KMT2C: variants seen among roughly 807,000 people sequenced by gnomAD.
KMT2C encodes the protein lysine methyltransferase 2C.
Under a neutral mutation model 507.9 loss-of-function variants are expected in KMT2C, and 88 were observed. The ratio of observed to expected loss-of-function variants is 0.17; its 90% CI spans 0.15 to 0.21. KMT2C has a LOEUF of 0.21. Among genes scored for constraint, KMT2C ranks in the 10% least tolerant of loss-of-function variants. The pLI is 1.00. For missense variants in KMT2C, 4,954 were observed against 5,957.8 expected (o/e 0.83, Z 5.55); for synonymous variants, 2,049 against 2,080.8 (o/e 0.98, Z 0.42).
intron 2 of KMT2C, among the ~76,000 whole-genome samples, chr7:152,356,726 T>TA (rs918625070): frequency 2.0e-5 from 3 of 149,122 alleles, no homozygotes; most frequent in Middle Eastern, 3.4e-3. Context: ...CCATCTCTAC[T>TA]AAAAAATACA....
At chr7:152,410,527 G>C (rs75795527) in intron 1 of KMT2C, among the ~76,000 whole-genome samples, 1 of 140,766 alleles carries the variant, frequency 7.1e-6, no homozygotes. Context: ...GCAGTGAGCC[G>C]AGACAGCGCC....
chr7:152,193,650 A>G (rs897175224), intron 31 of KMT2C, among the ~76,000 whole-genome samples: 4 of 152,200 alleles, frequency 2.6e-5, no homozygotes, highest in Non-Finnish European at 5.9e-5. Flanking sequence ...GGGCAGATCA[A>G]TGAGTACAGG....
At chr7:152,318,626 CA>C (rs67446037) in intron 3 of KMT2C, among the ~76,000 whole-genome samples, 3,839 of 54,424 alleles carry the variant, frequency 0.071, 28 homozygotes, top group South Asian at 0.09. Context: ...GACTCCATCT[CA>C]AAAAAAAAAA....
In KMT2C at chr7:152,199,428, G is replaced by A. The variant is rs759226598; in HGVS notation, c.4124C>T (p.Thr1375Ile). ...TAAACTTATCTTGCTTTGTCTACTT[G>A]TATCTAGAAGATCTTTTCCAAAGAA... Reference protein sequence around the residue: ...EAFFGKDLLDTSRQSKISLDN... With the variant: ...EAFFGKDLLDISRQSKISLDN... Residue 1375 changes from threonine (T) to isoleucine (I), a missense_variant, in exon 27 of 59, where the codon ACA becomes ATA. This residue lies in a region of KMT2C where 140 missense variants were observed against 118.4 expected (regional missense o/e 1.18). Coordinates refer to ENST00000262189, the MANE Select transcript of KMT2C (RefSeq NM_170606.3). 3.3e-5 allele frequency: 51 copies of A among 1,566,380 alleles called. 1 individual carries two copies. The South Asian group carries it at 6.2e-4, about 19-fold the overall frequency.
In KMT2C at chr7:152,144,581, G is replaced by T; in HGVS notation, c.14343+132C>A. 1 of 866,608 alleles carries T rather than the reference G, an allele frequency of 1.2e-6. No homozygotes were observed. The highest frequency in any genetic ancestry group is 1.8e-6 in the Non-Finnish European group (1 of 552,520). 53.7% of individuals were successfully genotyped at this position (866,608 alleles called of 1,614,324 possible). ...CTAGTGTTACCAAGGGACAGGATTTGATACGATTTTGAAAACACGTTTCTG... is the reference window on the plus strand; with the variant it reads ...CTAGTGTTACCAAGGGACAGGATTTTATACGATTTTGAAAACACGTTTCTG... On this transcript the variant is annotated intron_variant, in intron 55 of 58. Transcript: ENST00000262189. The surrounding 1 kb of genome is among the most constrained non-coding windows in gnomAD (Gnocchi z 4.4).
chr7:152,294,155 C>T (rs1034155795), intron 6 of KMT2C, among the ~76,000 whole-genome samples: 1 of 152,008 alleles, frequency 6.6e-6, no homozygotes, highest in Non-Finnish European at 1.5e-5. Flanking sequence ...CAGGTGTGAG[C>T]CACTATGCCC....
intron 16 of KMT2C, among the ~76,000 whole-genome samples, chr7:152,234,875 C>A (rs1273003026): frequency 6.6e-6 from 1 of 151,818 alleles, no homozygotes; most frequent in African/African-American, 2.4e-5. Context: ...AGAATGATAA[C>A]CTGTCTCAGA....
At chr7:152,185,671 A>G (rs1466924433) in intron 33 of KMT2C, 40 bp from the exon 34 acceptor site, 1 of 1,383,330 alleles carries the variant, frequency 7.2e-7, no homozygotes, top group African/African-American at 1.4e-5. Flanking sequence ...TCTCAGAGCC[A>G]TGCTAATGAT....
chr7:152,292,382 A>T (rs928241647), intron 6 of KMT2C, among the ~76,000 whole-genome samples: 1 of 152,318 alleles, frequency 6.6e-6, no homozygotes, highest in African/African-American at 2.4e-5. Flanking sequence ...TGTGATTCGT[A>T]GCATGCAGAG....
At chr7:152,308,381 TA>T (rs1194959560) in intron 6 of KMT2C, among the ~76,000 whole-genome samples, 5 of 151,920 alleles carry the variant, frequency 3.3e-5, no homozygotes, top group Non-Finnish European at 7.4e-5. Flanking sequence ...ATATACTTGT[TA>T]AAAACCAAAG....
chr7:152,315,831 T>C (rs1199002629), intron 3 of KMT2C, among the ~76,000 whole-genome samples: 6 of 152,128 alleles, frequency 3.9e-5, no homozygotes, highest in African/African-American at 1.4e-4. Context: ...GCACCTCGCT[T>C]GTATCCGGGA....
chr7:152,190,478 G>GT (rs2093759187), intron 31 of KMT2C, among the ~76,000 whole-genome samples: 1 of 152,106 alleles, frequency 6.6e-6, no homozygotes, highest in East Asian at 1.9e-4. Context: ...ACTGAAATAG[G>GT]TTATTATGTT....
At chr7:152,381,013 A>G (rs1321064457) in intron 1 of KMT2C, among the ~76,000 whole-genome samples, 7 of 152,296 alleles carry the variant, frequency 4.6e-5, no homozygotes, top group African/African-American at 1.4e-4. Flanking sequence ...TATACTGGGA[A>G]AAAATAGCCT....
In KMT2C at chr7:152,149,142, G is replaced by T; in HGVS notation, c.12785C>A (p.Pro4262His). The T allele has an allele frequency of 6.9e-7, 1 of 1,455,064 alleles. No individual in the cohort carries two copies. The highest frequency in any genetic ancestry group is 2.4e-5 in the East Asian group (1 of 41,420). 90.1% of individuals were successfully genotyped at this position (1,455,064 alleles called of 1,614,324 possible). A position where few individuals can be genotyped will look rare whatever the true frequency, so the allele number is the denominator to read the frequency against. Residue 4262 changes from proline to histidine, a missense_variant, in exon 52 of 59, where the codon CCT becomes CAT. Pro to His is a moderately conservative substitution (Grantham distance 77). Coordinates refer to ENST00000262189, the MANE Select transcript of KMT2C (RefSeq NM_170606.3). The stretch of plus-strand genomic sequence containing the variant: ...TCTCATAGGTGATTGTGGCAATGAA[G>T]GAATGGATTCCTGGGCAACATAAAG... ...AKNSENKESI[P>H]SLPQSPMRET... is the part of the protein sequence containing the mutation.
intron 26 of KMT2C, among the ~76,000 whole-genome samples, chr7:152,201,016 A>C (rs193221041): frequency 6.6e-6 from 1 of 152,298 alleles, no homozygotes; most frequent in East Asian, 1.9e-4. Flanking sequence ...CATTAGAAAA[A>C]ATGATGAACA....
rs111979601 is a variant in KMT2C at position 152,428,638 on chromosome 7, GA to G, written c.161+6987del. ...AAGAGTAAAACTCCATCTCAAAAAA[GA>G]AAAAAAAAAATCATAAAAATCCAAA... On this transcript the variant is annotated intron_variant, in intron 1 of 58. Transcript: ENST00000262189. 2.7e-3 allele frequency among the ~76,000 whole-genome samples: 376 copies of G among 139,204 alleles called. 3 individuals carry two copies. The highest frequency in any genetic ancestry group is 0.011 in the Middle Eastern group (3 of 276). The allele number at this position is 139,204 out of a possible 152,430, so 91.3% of individuals were successfully genotyped here.
rs202148187 is a variant in KMT2C, at chr7:152,163,603, C to T, written c.9974G>A (p.Ser3325Asn). 1.9e-6 allele frequency: 3 copies of T among 1,605,828 alleles called. No individual in the cohort carries two copies. Among genetic ancestry groups the T allele is most frequent in the Non-Finnish European group, 1.7e-6 (2 of 1,175,338 alleles). The change falls in exon 43 of 59, where the codon AGC (serine) becomes AAC (asparagine). Residue 3325 changes from serine to asparagine, a missense_variant. Ser to Asn is a conservative substitution (Grantham distance 46). Transcript: ENST00000262189. The part of the protein sequence containing the change: ...QHTTVISGHT[S>N]PVRMPSLPGW... ...AGGTAAACTGGGCATTCTAACAGGG[C>T]TAGTATGGCCAGAAATAACTGTTGT...
chr7:152,191,043 T>C (rs990843175), intron 31 of KMT2C, among the ~76,000 whole-genome samples: 2 of 152,150 alleles, frequency 1.3e-5, no homozygotes, highest in African/African-American at 4.8e-5. Flanking sequence ...ACACCTAATA[T>C]AAATCAGATG....
At chr7:152,158,793 G>C in intron 44 of KMT2C, 70 bp downstream of exon 44, 1 of 1,410,736 alleles carries the variant, frequency 7.1e-7, no homozygotes. Flanking sequence ...GGGATTACAG[G>C]CATGAGCCAC....
Sources: allele counts gnomAD v4.1 joint callset (sites outside exome capture counted in the v4.1 genomes callset), GRCh38; gene constraint gnomAD v4.1.1; regional missense constraint gnomAD v4.1.1; non-coding constraint Gnocchi (gnomAD v3.1); transcripts MANE v1.5; gene names NCBI Gene and HGNC (gene_info 2026-07-23, HGNC 2026-07-21).